COA1: variants seen among roughly 807,000 people sequenced by gnomAD.
COA1 encodes cytochrome c oxidase assembly factor 1 homolog.
A neutral mutation model predicts 16.0 loss-of-function variants in COA1; 13 were observed. The ratio of observed to expected loss-of-function variants is 0.81; its 90% CI spans 0.53 to 1.29. The LOEUF (loss-of-function observed/expected upper bound fraction) is 1.29, where lower values mean the gene tolerates loss of function less well. Ranked by LOEUF, COA1 falls within the 50% of genes most tolerant of loss-of-function variation. The pLI, the probability that COA1 is intolerant of heterozygous loss-of-function variation, is 0.00. For synonymous variants in COA1, 65 were observed against 65.7 expected (o/e 0.99, Z 0.05); for missense variants, 179 against 177.0 (o/e 1.01, Z -0.06).
intron 6 of COA1, among the ~76,000 whole-genome samples, chr7:43,616,537 C>T (rs547895600): frequency 6.6e-5 from 10 of 152,220 alleles, no homozygotes; most frequent in East Asian, 1.9e-4. Flanking sequence ...GATAAACCTA[C>T]GGGCATTTTC....
chr7:43,675,129 A>G (rs2093451901), intron 1 of COA1, among the ~76,000 whole-genome samples: 1 of 152,200 alleles, frequency 6.6e-6, no homozygotes, highest in African/African-American at 2.4e-5. Flanking sequence ...TCCTCTGCTC[A>G]AGGAAACATG....
intron 1 of COA1, among the ~76,000 whole-genome samples, chr7:43,722,668 G>A (rs2095533682): frequency 6.6e-6 from 1 of 152,174 alleles, no homozygotes; most frequent in Non-Finnish European, 1.5e-5. Flanking sequence ...CTCCCAAAGT[G>A]CTGGGATTAC....
chr7:43,614,216 T>G (rs368030960), intron 6 of COA1, among the ~76,000 whole-genome samples: 1 of 152,158 alleles, frequency 6.6e-6, no homozygotes, highest in Non-Finnish European at 1.5e-5. Flanking sequence ...TGTACAAAGA[T>G]GAAGATACCG....
At position 43,644,715 on chromosome 7, in the gene COA1, TAGATAGATA is replaced by T. The variant is rs1215764821; in HGVS notation, c.264+527_264+535del. On this transcript the variant is annotated intron_variant, in intron 4 of 5. Coordinates refer to ENST00000223336, the MANE Select transcript of COA1 (RefSeq NM_018224.4). ...CTAAATTATAGATAGATAGATTAGA[TAGATAGATA>T]GATAGATAGATAGATAGATAGATAG... Among the ~76,000 whole-genome samples, 571 of 82,672 alleles carry T rather than the reference TAGATAGATA, an allele frequency of 6.9e-3. 3 individuals are homozygous for T. The highest frequency in any genetic ancestry group is 0.024 in the African/African-American group (532 of 21,894). The allele number at this position is 82,672 out of a possible 152,430, so 54.2% of individuals were successfully genotyped here.
chr7:43,680,840 G>A (rs1473052735), intron 1 of COA1, among the ~76,000 whole-genome samples: 2 of 152,064 alleles, frequency 1.3e-5, no homozygotes, highest in Non-Finnish European at 2.9e-5. Context: ...GTATGGTGGC[G>A]TGTGCCTGTA....
At chr7:43,680,048 A>G (rs2130338305) in intron 1 of COA1, among the ~76,000 whole-genome samples, 1 of 152,298 alleles carries the variant, frequency 6.6e-6, no homozygotes, top group East Asian at 1.9e-4. Context: ...AAGACAAAAG[A>G]CAAGTCTAGA....
At chr7:43,623,026 G>C (rs1224658242) in intron 6 of COA1, 1 of 152,394 alleles carries the variant, frequency 6.6e-6, no homozygotes, top group East Asian at 1.9e-4. Flanking sequence ...CAACTTAGTT[G>C]CCTTTGTCCC....
chr7:43,713,119 T>C (rs1239381222), intron 1 of COA1, among the ~76,000 whole-genome samples: 7 of 152,062 alleles, frequency 4.6e-5, no homozygotes. Context: ...GCCTGGCTAA[T>C]TTTTGTATTT....
intron 1 of COA1, chr7:43,648,929 C>A: frequency 3.1e-6 from 1 of 322,846 alleles, no homozygotes; most frequent in Non-Finnish European, 5.8e-6. Flanking sequence ...GGGAGAACCG[C>A]AGACAGCAAG....
At chr7:43,693,685 G>A (rs936626724) in intron 1 of COA1, among the ~76,000 whole-genome samples, 2 of 151,990 alleles carry the variant, frequency 1.3e-5, no homozygotes, top group East Asian at 1.9e-4. Context: ...TAGATCCACC[G>A]TTAAGACTCA....
chr7:43,615,458 T>G (rs908165238), intron 6 of COA1, among the ~76,000 whole-genome samples: 1 of 152,124 alleles, frequency 6.6e-6, no homozygotes, highest in African/African-American at 2.4e-5. Context: ...ATTACAGATG[T>G]GAGCCACTGC....
intron 6 of COA1, chr7:43,632,645 T>C (rs1226920984): frequency 6.6e-6 from 1 of 152,202 alleles, no homozygotes; most frequent in Non-Finnish European, 1.5e-5. Context: ...ACAGTATTCA[T>C]CTCCTTGTAC....
At chr7:43,674,006 G>C (rs955277405) in intron 1 of COA1, among the ~76,000 whole-genome samples, 38 of 152,248 alleles carry the variant, frequency 2.5e-4, no homozygotes, top group African/African-American at 9.1e-4. Flanking sequence ...GGTGGAGGGA[G>C]GGAGGGAGGA....
At chr7:43,618,757 T>G (rs566721000) in intron 6 of COA1, among the ~76,000 whole-genome samples, 2 of 152,212 alleles carry the variant, frequency 1.3e-5, no homozygotes, top group East Asian at 3.8e-4. Context: ...CCTCACTGAT[T>G]CTGTGGCTCT....
intron 4 of COA1, among the ~76,000 whole-genome samples, chr7:43,641,252 T>G (rs943113264): frequency 6.6e-6 from 1 of 151,712 alleles, no homozygotes; most frequent in South Asian, 2.1e-4. Context: ...ACTGGGTGTA[T>G]TTGTTAAAAC....
intron 1 of COA1, among the ~76,000 whole-genome samples, chr7:43,717,086 C>T (rs1312726605): frequency 6.6e-6 from 1 of 152,210 alleles, no homozygotes; most frequent in Non-Finnish European, 1.5e-5. Flanking sequence ...AGAACCTCTG[C>T]TAGGGCAGTG....
downstream of COA1, among the ~76,000 whole-genome samples, chr7:43,637,270 C>T (rs2086050353): frequency 6.6e-6 from 1 of 152,190 alleles, no homozygotes; most frequent in South Asian, 2.1e-4. Context: ...TGCCCATCCA[C>T]CCAGCACACT....
chr7:43,710,375 A>AAAAAATATATAT (rs761592421), intron 1 of COA1, among the ~76,000 whole-genome samples: 2 of 36,450 alleles, frequency 5.5e-5, no homozygotes, highest in Non-Finnish European at 9.4e-5. Flanking sequence ...AAAAAAAAAA[A>AAAAAATATATAT]ATATATATAT....
chr7:43,619,563 A>G (rs1194252731), intron 6 of COA1: 2 of 1,606,800 alleles, frequency 1.2e-6, no homozygotes, highest in Non-Finnish European at 1.7e-6. Flanking sequence ...AATCATAGTT[A>G]TATTGATTTT....
Sources: gnomAD v4.1 joint callset for allele counts (sites outside exome capture counted in the v4.1 genomes callset) on GRCh38, gnomAD v4.1.1 for gene constraint, MANE v1.5 for transcripts, NCBI Gene and HGNC (gene_info 2026-07-23, HGNC 2026-07-21) for gene names.